SAMTOR: variants seen among roughly 807,000 people sequenced by gnomAD.
SAMTOR encodes UPF0532 protein C7orf60.
chr7:112,853,774 T>G, the SAMTOR span, among the ~76,000 whole-genome samples: 2 of 152,148 alleles, frequency 1.3e-5, no homozygotes. Flanking sequence ...AACAGCAATT[T>G]TGATTCATAT....
At chr7:112,829,576 T>C in the SAMTOR span, among the ~76,000 whole-genome samples, 1 of 152,322 alleles carries the variant, frequency 6.6e-6, no homozygotes, top group African/African-American at 2.4e-5. Flanking sequence ...GTAATTTTTT[T>C]TGGATGCTAG....
the SAMTOR span, among the ~76,000 whole-genome samples, chr7:112,859,007 A>C: frequency 6.6e-6 from 1 of 152,168 alleles, no homozygotes; most frequent in Admixed American, 6.5e-5. Context: ...ACTTTGAGTA[A>C]AGCAGACTAC....
At chr7:112,866,101 A>G in the SAMTOR span, among the ~76,000 whole-genome samples, 2 of 152,156 alleles carry the variant, frequency 1.3e-5, no homozygotes, top group East Asian at 3.8e-4. Context: ...AGTGATAAAG[A>G]AGACAAAGCT....
chr7:112,909,606 A>C, the SAMTOR span, among the ~76,000 whole-genome samples: 3 of 152,058 alleles, frequency 2.0e-5, no homozygotes, highest in Non-Finnish European at 4.4e-5. Flanking sequence ...CTGCAAAGAA[A>C]TCTTACATTT....
At chr7:112,882,455 C>T in the SAMTOR span, among the ~76,000 whole-genome samples, 1 of 152,100 alleles carries the variant, frequency 6.6e-6, no homozygotes, top group Admixed American at 6.5e-5. Context: ...CTTTGGGAGG[C>T]CGAGGCAGGA....
chr7:112,868,087 C>T, the SAMTOR span, among the ~76,000 whole-genome samples: 2 of 152,198 alleles, frequency 1.3e-5, no homozygotes. Context: ...CCCTTCACCC[C>T]TGTCCATGGA....
At chr7:112,883,430 A>G in the SAMTOR span, among the ~76,000 whole-genome samples, 1 of 152,226 alleles carries the variant, frequency 6.6e-6, no homozygotes, top group Non-Finnish European at 1.5e-5. Flanking sequence ...AATACTTAAT[A>G]TCCCCAAACA....
chr7:112,855,474 T>C, the SAMTOR span, among the ~76,000 whole-genome samples: 1 of 152,136 alleles, frequency 6.6e-6, no homozygotes, highest in Non-Finnish European at 1.5e-5. Context: ...CTATGTGGTA[T>C]AGAATCTATT....
chr7:112,840,877 C>T, the SAMTOR span, among the ~76,000 whole-genome samples: 1 of 151,990 alleles, frequency 6.6e-6, no homozygotes, highest in African/African-American at 2.4e-5. Flanking sequence ...CGATAAAATT[C>T]AACACCCCTT....
chr7:112,835,328 T>A, the SAMTOR span, among the ~76,000 whole-genome samples: 2 of 152,162 alleles, frequency 1.3e-5, no homozygotes, highest in African/African-American at 2.4e-5. Context: ...TTTACCTCCT[T>A]ACCACTCTGC....
At chr7:112,862,645 T>C in the SAMTOR span, among the ~76,000 whole-genome samples, 1,619 of 152,306 alleles carry the variant, frequency 0.011, 30 homozygotes, top group African/African-American at 0.037. Context: ...TTCTCTAACC[T>C]GGGCTGGATA....
At chr7:112,897,773 C>T in the SAMTOR span, among the ~76,000 whole-genome samples, 1 of 152,118 alleles carries the variant, frequency 6.6e-6, no homozygotes, top group Non-Finnish European at 1.5e-5. Context: ...GGTGGCCAAA[C>T]AGAATCTTCC....
chr7:112,867,524 C>T, the SAMTOR span, among the ~76,000 whole-genome samples: 1 of 152,044 alleles, frequency 6.6e-6, no homozygotes, highest in Non-Finnish European at 1.5e-5. Flanking sequence ...ACTACCCATA[C>T]GTGAAGAAGT....
At chr7:112,842,633 T>G in the SAMTOR span, among the ~76,000 whole-genome samples, 2 of 152,012 alleles carry the variant, frequency 1.3e-5, no homozygotes, top group African/African-American at 2.4e-5. Context: ...ATTATCTTAG[T>G]CTAACTAGTC....
At chr7:112,885,091 C>T in the SAMTOR span, among the ~76,000 whole-genome samples, 1,624 of 152,328 alleles carry the variant, frequency 0.011, 30 homozygotes, top group African/African-American at 0.037. Flanking sequence ...CTGAGCTGTA[C>T]CTTGGCCCCT....
chr7:112,877,807 G>A, the SAMTOR span, among the ~76,000 whole-genome samples: 2 of 152,116 alleles, frequency 1.3e-5, no homozygotes, highest in Admixed American at 1.3e-4. Context: ...GTTCTTGTGT[G>A]TGGCAACTCC....
At chr7:112,822,440 T>C in the SAMTOR span, 2 of 1,293,134 alleles carry the variant, frequency 1.5e-6, no homozygotes, top group Non-Finnish European at 2.1e-6. Context: ...ACATAGACTT[T>C]TCAGCAAACC....
the SAMTOR span, among the ~76,000 whole-genome samples, chr7:112,910,819 A>T: frequency 6.6e-6 from 1 of 152,340 alleles, no homozygotes; most frequent in Non-Finnish European, 1.5e-5. Context: ...AAACAATCAG[A>T]TAATCCTGCA....
chr7:112,937,553 TTAC>T, the SAMTOR span, among the ~76,000 whole-genome samples: 8 of 151,952 alleles, frequency 5.3e-5, no homozygotes, highest in East Asian at 1.5e-3. Flanking sequence ...GATGACTTTT[TTAC>T]TACTAATATT....
Sources: gnomAD v4.1 joint callset for allele counts (sites outside exome capture counted in the v4.1 genomes callset) on GRCh38, gnomAD v4.1.1 for gene constraint, MANE v1.5 for transcripts, NCBI Gene and HGNC (gene_info 2026-07-23, HGNC 2026-07-21) for gene names.